Variants in MBTPS1 observed in about 807,000 individuals in gnomAD.
The protein encoded by MBTPS1 is membrane-bound transcription factor site-1 protease.
MBTPS1 carries 94 observed loss-of-function variants against 127.8 expected under a neutral mutation model. The ratio of observed to expected loss-of-function variants is 0.74; its 90% CI spans 0.62 to 0.87. The LOEUF (loss-of-function observed/expected upper bound fraction) is 0.87, where lower values mean the gene tolerates loss of function less well. MBTPS1 is among the 40% of genes least tolerant of loss of function. The probability of loss-of-function intolerance (pLI) is 0.00; values close to 1 mark genes in which losing one functional copy is unlikely to be tolerated. For synonymous variants in MBTPS1, 632 were observed against 509.4 expected (o/e 1.24, Z -3.24); for missense variants, 1,636 against 1,353.2 (o/e 1.21, Z -3.28).
In MBTPS1 at chr16:84,063,463, A is replaced by T; in HGVS notation, c.2432-18T>A. On this transcript the variant is annotated intron_variant, in intron 18 of 22. Coordinates refer to ENST00000343411, the MANE Select transcript of MBTPS1 (RefSeq NM_003791.4). ...CTCCAATCCTGAAACAACACAACAAAAAACAACAGCCATGAGAGTTTCCAC... is the reference window on the plus strand; with the variant it reads ...CTCCAATCCTGAAACAACACAACAATAAACAACAGCCATGAGAGTTTCCAC... 1 of 1,610,572 alleles carries T rather than the reference A, an allele frequency of 6.2e-7. No homozygotes were observed.
chr16:84,063,476 TGA>T (rs1567473729), intron 18 of MBTPS1, 31 bp from the exon 19 acceptor site: 1 of 1,607,212 alleles, frequency 6.2e-7, no homozygotes, highest in Non-Finnish European at 8.5e-7. Flanking sequence ...ACAACAGCCA[TGA>T]GAGTTTCCAC....
intron 1 of MBTPS1, among the ~76,000 whole-genome samples, chr16:84,115,053 C>G (rs965600424): frequency 1.3e-5 from 2 of 151,834 alleles, no homozygotes; most frequent in South Asian, 4.2e-4. Flanking sequence ...CTCAGCCTCC[C>G]GAGTAGCTGG....
intron 8 of MBTPS1, among the ~76,000 whole-genome samples, chr16:84,090,295 A>G (rs11865802): frequency 1.3e-5 from 2 of 152,192 alleles, no homozygotes; most frequent in African/African-American, 2.4e-5. Context: ...AATGTTTCGC[A>G]TCTCACGCTG....
At chr16:84,066,419 T>C (rs942833541) in intron 17 of MBTPS1, 70 bp downstream of exon 17, 147 of 1,499,732 alleles carry the variant, frequency 9.8e-5, no homozygotes, top group Non-Finnish European at 1.2e-4. Flanking sequence ...TCTCAAGAAA[T>C]CTAGACTTCA....
At position 84,058,751 on chromosome 16, in the gene MBTPS1, G is replaced by A. The variant is rs115877051; in HGVS notation, c.2831+551C>T. Reference sequence around the variant, plus strand: ...AATGAAGAAGCCGAGTTAGTGAGCTGGAGAAGGGATCCAGGCGGCACTGCA... The same window carrying A: ...AATGAAGAAGCCGAGTTAGTGAGCTAGAGAAGGGATCCAGGCGGCACTGCA... On this transcript the variant is annotated intron_variant, in intron 21 of 22. Coordinates refer to ENST00000343411, the MANE Select transcript of MBTPS1 (RefSeq NM_003791.4). Among the ~76,000 whole-genome samples the A allele has an allele frequency of 3.0e-3, 460 of 152,306 alleles. 2 individuals carry two copies. The highest frequency in any genetic ancestry group is 0.01 in the African/African-American group (422 of 41,556).
At chr16:84,112,639 G>A (rs2086413406) in intron 1 of MBTPS1, among the ~76,000 whole-genome samples, 2 of 139,292 alleles carry the variant, frequency 1.4e-5, no homozygotes, top group African/African-American at 2.7e-5. Flanking sequence ...TCCAGCCCGG[G>A]CAACAGAGCG....
In MBTPS1 at chr16:84,085,060, C is replaced by G; in HGVS notation, c.1209G>C (p.Val403=). The change falls in exon 10 of 23, where the codon GTG becomes GTC. Residue 403 remains valine, a synonymous_variant. Transcript: ENST00000343411. ...CTGAGAGGGCCCGGCACCCCCCTTT[C>G]ACGCCAGAACCCCGCACGCCAGCAC... ...TYGAGVRGSG[V]KGGCRALSGT... 1 of 1,614,196 alleles carries G rather than the reference C, an allele frequency of 6.2e-7. No homozygotes were observed. The highest frequency in any genetic ancestry group is 1.1e-5 in the South Asian group (1 of 91,086).
chr16:84,087,473 C>CAAAAAAAA lies in MBTPS1; in HGVS notation c.1032-21_1032-14dup. 5.8e-6 allele frequency: 6 copies of CAAAAAAAA among 1,036,170 alleles called. No individual in the cohort carries two copies. Among genetic ancestry groups the CAAAAAAAA allele is most frequent in the East Asian group, 2.5e-5 (1 of 39,304 alleles). 64.2% of individuals were successfully genotyped at this position (1,036,170 alleles called of 1,614,324 possible). A position where few individuals can be genotyped will look rare whatever the true frequency, so the allele number is the denominator to read the frequency against. ...GTTATTCAGAGTGCTATATTGAGACCAAAAAAAAAAAAAAAGAAAAGAAAA... is the reference window on the plus strand; with the variant it reads ...GTTATTCAGAGTGCTATATTGAGACCAAAAAAAAAAAAAAAAAAAAAAAGAAAAGAAAA... On this transcript the variant is annotated splice_polypyrimidine_tract_variant and intron_variant, in intron 8 of 22. Transcript: ENST00000343411.
chr16:84,101,821 C>G lies in MBTPS1; in HGVS notation c.-38G>C. 1 of 1,569,692 alleles carries G rather than the reference C, an allele frequency of 6.4e-7. No individual in the cohort carries two copies. The highest frequency in any genetic ancestry group is 8.7e-7 in the Non-Finnish European group (1 of 1,151,854). ...ATATGATCATAAAATTGCATATATT[C>G]AAATCACACTTTTTTCTTCTTGATT... is the stretch of plus-strand genomic sequence containing the variant. On this transcript the variant is annotated 5_prime_UTR_variant, in exon 2 of 23. Transcript: ENST00000343411.
In MBTPS1 at chr16:84,067,765, G is replaced by A. The variant is rs780530653; in HGVS notation, c.2130C>T (p.Leu710=). 17 of 1,613,976 alleles carry A rather than the reference G, an allele frequency of 1.1e-5. No individual in the cohort carries two copies. In the African/African-American group the frequency reaches 1.1e-4, roughly 10 times the overall value. ...AGAGGCCGTTGTCCACGTCCCTCCG[G>A]AGCTTGGCGATCTCTTCAGGGAAGT... is the stretch of plus-strand genomic sequence containing the variant. The part of the protein sequence containing the change: ...EEYFPEEIAK[L]RRDVDNGLSL... The change falls in exon 16 of 23, where the codon CTC becomes CTT. Residue 710 remains leucine (L), a synonymous_variant. Coordinates refer to ENST00000343411, the MANE Select transcript of MBTPS1 (RefSeq NM_003791.4).
chr16:84,057,160 C>G (rs2085534630), intron 21 of MBTPS1: 1 of 152,218 alleles, frequency 6.6e-6, no homozygotes, highest in South Asian at 2.1e-4. Context: ...GAGAGACTCC[C>G]ACTCGATACT....
At chr16:84,070,417 C>A (rs1464122911) in intron 13 of MBTPS1, among the ~76,000 whole-genome samples, 171 bp downstream of exon 13, 1 of 152,242 alleles carries the variant, frequency 6.6e-6, no homozygotes, top group East Asian at 1.9e-4. Flanking sequence ...TGAGCTACTT[C>A]TTCAAACTCC....
intron 14 of MBTPS1, among the ~76,000 whole-genome samples, chr16:84,069,536 T>C (rs750038346): frequency 6.6e-6 from 1 of 152,150 alleles, no homozygotes; most frequent in Non-Finnish European, 1.5e-5. Context: ...GACAATGGCA[T>C]GGACTAGGGT....
rs2086261048 is a variant in MBTPS1 at position 84,101,806 on chromosome 16, A to G, written c.-23T>C. 1 of 1,592,652 alleles carries G rather than the reference A, an allele frequency of 6.3e-7. No individual in the cohort carries two copies. The highest frequency in any genetic ancestry group is 1.3e-5 in the African/African-American group (1 of 74,168). ...CATGGTCACAAGCGAATATGATCATAAAATTGCATATATTCAAATCACACT... is the reference window on the plus strand; with the variant it reads ...CATGGTCACAAGCGAATATGATCATGAAATTGCATATATTCAAATCACACT... On this transcript the variant is annotated 5_prime_UTR_variant, in exon 2 of 23. Transcript: ENST00000343411.
chr16:84,073,573 G>C (rs2085804818), intron 12 of MBTPS1, among the ~76,000 whole-genome samples: 1 of 152,096 alleles, frequency 6.6e-6, no homozygotes, highest in Admixed American at 6.5e-5. Context: ...GGCCAAGTTA[G>C]TATGCTGAGG....
At chr16:84,068,219 G>A (rs2085717463) in intron 15 of MBTPS1, 120 bp downstream of exon 15, 5 of 725,788 alleles carry the variant, frequency 6.9e-6, no homozygotes, top group African/African-American at 1.7e-5. Context: ...CAGCTGTGGG[G>A]CCCACGGCGC....
Position 84,081,812 on chromosome 16 carries a change from T to C in MBTPS1, c.1383A>G (p.Gln461=). 2.0e-6 allele frequency: 3 copies of C among 1,532,928 alleles called. No individual in the cohort carries two copies. Among genetic ancestry groups the C allele is most frequent in the Admixed American group, 2.1e-5 (1 of 47,790 alleles). The allele number at this position is 1,532,928 out of a possible 1,614,324, so 95.0% of individuals were successfully genotyped here. A position where few individuals can be genotyped will look rare whatever the true frequency, so the allele number is the denominator to read the frequency against. ...TGAGCAGATCGAGCTTGCCGTGGCC[T>C]TGCTCAAACATGTTGACCCCGGGGA... ...RRLPGVNMFE[Q]GHGKLDLLRA... Residue 461 remains glutamine (Q), a synonymous_variant, in exon 11 of 23, where the codon CAA becomes CAG. Coordinates refer to ENST00000343411, the MANE Select transcript of MBTPS1 (RefSeq NM_003791.4).
At position 84,074,658 on chromosome 16, in the gene MBTPS1, G is replaced by A. The variant is rs1212832086; in HGVS notation, c.1532C>T (p.Pro511Leu). The A allele has an allele frequency of 9.3e-6, 15 of 1,613,922 alleles. No homozygotes were observed. The highest frequency in any genetic ancestry group is 2.7e-5 in the African/African-American group (2 of 74,906). The change falls in exon 12 of 23, where the codon CCG becomes CTG. Residue 511 changes from proline (P) to leucine (L), a missense_variant. By Grantham distance (98) the Pro-to-Leu change is moderately conservative. Transcript: ENST00000343411. Reference sequence around the variant, plus strand: ...GAGGATGGTGACATTAACAACTGTCGGCATTCCTCCATAGTAGATGGGCTG... The same window carrying A: ...GAGGATGGTGACATTAACAACTGTCAGCATTCCTCCATAGTAGATGGGCTG... ...CSQPIYYGGM[P>L]TVVNVTILNG...
chr16:84,112,028 C>G (rs2151175676), intron 1 of MBTPS1, among the ~76,000 whole-genome samples: 1 of 152,210 alleles, frequency 6.6e-6, no homozygotes, highest in African/African-American at 2.4e-5. Context: ...TAGCAAAACC[C>G]TGTCTCTACT....
Sources: allele counts gnomAD v4.1 joint callset (sites outside exome capture counted in the v4.1 genomes callset), GRCh38; gene constraint gnomAD v4.1.1; transcripts MANE v1.5; gene names NCBI Gene and HGNC (gene_info 2026-07-23, HGNC 2026-07-21).